PDZD2: variants seen among roughly 807,000 people sequenced by gnomAD.
PDZD2 encodes PDZ domain-containing protein 2.
Under a neutral mutation model 220.7 loss-of-function variants are expected in PDZD2, and 90 were observed. That is an observed-to-expected ratio of 0.41 (90% CI 0.34 to 0.49). The LOEUF (loss-of-function observed/expected upper bound fraction) is 0.49, where lower values mean the gene tolerates loss of function less well. Among genes scored for constraint, PDZD2 ranks in the 20% least tolerant of loss-of-function variants. The probability of loss-of-function intolerance (pLI) is 0.28; values close to 1 mark genes in which losing one functional copy is unlikely to be tolerated. For missense variants in PDZD2, 3,174 were observed against 3,608.5 expected, an observed-to-expected ratio of 0.88 and a Z score of 3.08; for synonymous variants, 1,375 against 1,450.5, an observed-to-expected ratio of 0.95 and a Z score of 1.18.
At chr5:31,904,050 T>A (rs1443482438) in intron 2 of PDZD2, among the ~76,000 whole-genome samples, 1 of 151,054 alleles carries the variant, frequency 6.6e-6, no homozygotes, top group East Asian at 1.9e-4. Flanking sequence ...TTTTTTTTTT[T>A]AGTATTTTAA....
chr5:32,086,289 C>T (rs752835051), intron 19 of PDZD2, among the ~76,000 whole-genome samples: 8 of 152,174 alleles, frequency 5.3e-5, no homozygotes, highest in Non-Finnish European at 7.3e-5. Flanking sequence ...GATACTGGGA[C>T]TGAGAGGTCC....
At chr5:31,689,239 TTGTGTGTGTGTGTG>T (rs70955736) in intron 1 of PDZD2, among the ~76,000 whole-genome samples, 1 of 140,010 alleles carries the variant, frequency 7.1e-6, no homozygotes, top group African/African-American at 2.7e-5. Flanking sequence ...TGGCTAATGT[TTGTGTGTGTGTGTG>T]TGTGTGTGTG....
At chr5:31,708,215 C>T (rs79132405) in intron 1 of PDZD2, among the ~76,000 whole-genome samples, 9 of 152,116 alleles carry the variant, frequency 5.9e-5, no homozygotes, top group Non-Finnish European at 1.3e-4. Flanking sequence ...CTTCCCTGCC[C>T]GCCTCTGAGC....
chr5:32,048,984 A>T (rs2112288980), intron 8 of PDZD2, among the ~76,000 whole-genome samples: 1 of 152,322 alleles, frequency 6.6e-6, no homozygotes, highest in South Asian at 2.1e-4. Flanking sequence ...GTGGTGAACC[A>T]GCACTGCTCG....
rs1052025446 is a variant in PDZD2 at position 32,032,350 on chromosome 5, C to T, written c.1408-4881C>T. On this transcript the variant is annotated intron_variant, in intron 6 of 24. Transcript: ENST00000438447. ...AAGTTTCCCTAGGCCATTCTCAGCC[C>T]CTGAGAATCTGCCTCGGAATCAGAC... Among the ~76,000 whole-genome samples, 6 of 152,222 alleles carry T rather than the reference C, an allele frequency of 3.9e-5. No homozygotes were observed. In the South Asian group the frequency reaches 8.3e-4, roughly 21 times the overall value.
At chr5:31,840,625 T>C (rs1757247304) in intron 2 of PDZD2, 1 of 720,940 alleles carries the variant, frequency 1.4e-6, no homozygotes, top group South Asian at 1.4e-5. Flanking sequence ...ATAGGCTTCT[T>C]TCTTTTTCTG....
At chr5:31,667,960 C>G (rs1326158651) in intron 1 of PDZD2, among the ~76,000 whole-genome samples, 1 of 134,242 alleles carries the variant, frequency 7.4e-6, no homozygotes, top group East Asian at 2.5e-4. Flanking sequence ...CTCCTGAGTT[C>G]AAGCGATTCT....
chr5:32,044,338 C>A (rs1737723917), intron 7 of PDZD2, among the ~76,000 whole-genome samples: 1 of 151,914 alleles, frequency 6.6e-6, no homozygotes, highest in African/African-American at 2.4e-5. Flanking sequence ...TTAAAAAAAA[C>A]CAGAAGGCCT....
intron 3 of PDZD2, 50 bp downstream of exon 3, chr5:31,983,706 T>G (rs757014332): frequency 3.7e-5 from 57 of 1,544,982 alleles, no homozygotes; most frequent in African/African-American, 7.1e-5. Context: ...TCGTGTGTGT[T>G]TGTTTGTTTT....
At chr5:32,082,181 T>C (rs572134398) in intron 19 of PDZD2, among the ~76,000 whole-genome samples, 3 of 151,654 alleles carry the variant, frequency 2.0e-5, no homozygotes, top group Non-Finnish European at 4.4e-5. Context: ...ACCACCACGC[T>C]CGGCCAATTT....
At chr5:31,835,745 C>A (rs1020404663) in intron 2 of PDZD2, among the ~76,000 whole-genome samples, 1 of 152,136 alleles carries the variant, frequency 6.6e-6, no homozygotes, top group Non-Finnish European at 1.5e-5. Flanking sequence ...TGATGTTTAA[C>A]TTTTCATCAA....
chr5:31,763,853 G>A (rs1243012965), intron 1 of PDZD2, among the ~76,000 whole-genome samples: 4 of 143,000 alleles, frequency 2.8e-5, no homozygotes, highest in African/African-American at 1.1e-4. Context: ...GTAAAGGAGA[G>A]GAGGGAGCCC....
At chr5:32,010,619 T>C in intron 6 of PDZD2, 137 bp downstream of exon 6, 1 of 745,808 alleles carries the variant, frequency 1.3e-6, no homozygotes, top group Non-Finnish European at 2.5e-6. Context: ...ATTCTTTCTA[T>C]GTTTTTCTCG....
At position 31,799,184 on chromosome 5, in the gene PDZD2, G is replaced by A; in HGVS notation, c.-65G>A. 9.1e-7 allele frequency: 1 copy of A among 1,100,680 alleles called. No individual in the cohort carries two copies. The highest frequency in any genetic ancestry group is 1.3e-6 in the Non-Finnish European group (1 of 757,922). The allele number at this position is 1,100,680 out of a possible 1,614,324, so 68.2% of individuals were successfully genotyped here. On this transcript the variant is annotated 5_prime_UTR_variant, in exon 2 of 25. Transcript: ENST00000438447. ...GGCCAGGGACCCCAGGGGACGTGGG[G>A]CCCTGTGGGGTCTGGCCCCCAGGAG... is the stretch of plus-strand genomic sequence containing the variant.
chr5:32,036,180 A>T (rs1755535724), intron 6 of PDZD2, among the ~76,000 whole-genome samples: 1 of 152,042 alleles, frequency 6.6e-6, no homozygotes, highest in South Asian at 2.1e-4. Flanking sequence ...ATTAGCCAGG[A>T]TGGTCTCGAT....
In PDZD2 at chr5:32,088,351, T is replaced by G; in HGVS notation, c.4903T>G (p.Tyr1635Asp). 6.2e-7 allele frequency: 1 copy of G among 1,614,112 alleles called. No individual in the cohort carries two copies. The highest frequency in any genetic ancestry group is 1.7e-5 in the Admixed American group (1 of 60,014). The change falls in exon 20 of 25, where the codon TAC becomes GAC. Residue 1635 changes from tyrosine to aspartate, a missense_variant. This residue lies in a region of PDZD2 where 1,861 missense variants were observed against 2,001.0 expected (regional missense o/e 0.93). Coordinates refer to ENST00000438447, the MANE Select transcript of PDZD2 (RefSeq NM_178140.4). This position sits in a 1 kb window ranked among gnomAD's most constrained non-coding sequence, Gnocchi z 4.6. ...PASAKVLSLKYSTPRESVASP... is the reference protein window; with the variant it reads ...PASAKVLSLKDSTPRESVASP... The stretch of plus-strand genomic sequence containing the variant: ...CTCAGCCAAAGTTCTGTCATTAAAA[T>G]ACAGCACTCCGAGAGAGTCGGTGGC...
At position 32,108,900 on chromosome 5, in the gene PDZD2, T is replaced by TTAAA. The variant is rs766601213; in HGVS notation, c.*768_*771dup. The TTAAA allele has an allele frequency of 1.3e-5, 2 of 152,640 alleles. No individual in the cohort carries two copies. Among genetic ancestry groups the TTAAA allele is most frequent in the African/African-American group, 4.8e-5 (2 of 41,460 alleles). 9.5% of individuals were successfully genotyped at this position (152,640 alleles called of 1,614,324 possible). On this transcript the variant is annotated 3_prime_UTR_variant, in exon 25 of 25. Coordinates refer to ENST00000438447, the MANE Select transcript of PDZD2 (RefSeq NM_178140.4). ...AGAATAGCACTTCTGATAAGCTGTA[T>TTAAA]TAAATAGCCATGAGCTTCACTGCTT...
chr5:31,691,470 C>CTGGCGCCACCTGCTTTTATTCTCTTAT (rs1428864599), intron 1 of PDZD2, among the ~76,000 whole-genome samples: 99 of 116,920 alleles, frequency 8.5e-4, no homozygotes, highest in African/African-American at 3.9e-3. Flanking sequence ...TATTCTCTTA[C>CTGGCGCCACCTGCTTTTATTCTCTTAT]CTGGCGCCAC....
intron 2 of PDZD2, among the ~76,000 whole-genome samples, chr5:31,938,414 C>A (rs1745942344): frequency 6.6e-6 from 1 of 152,138 alleles, no homozygotes; most frequent in African/African-American, 2.4e-5. Flanking sequence ...AGGGTCCCAA[C>A]AATAGTAAAG....
Sources: gnomAD v4.1 joint callset for allele counts (sites outside exome capture counted in the v4.1 genomes callset) on GRCh38, gnomAD v4.1.1 for gene constraint, gnomAD v4.1.1 regional missense constraint, Gnocchi (gnomAD v3.1) non-coding constraint, MANE v1.5 for transcripts, NCBI Gene and HGNC (gene_info 2026-07-23, HGNC 2026-07-21) for gene names.